The following TSHZ2 variants were observed in gnomAD, a reference collection of about 807,000 sequenced individuals.
TSHZ2 encodes teashirt zinc finger homeobox 2, also known as teashirt homolog 2.
TSHZ2 carries 21 observed loss-of-function variants against 74.4 expected under a neutral mutation model. The ratio of observed to expected loss-of-function variants is 0.28; its 90% CI spans 0.20 to 0.41. The LOEUF is 0.41. TSHZ2 is among the 10% of genes least tolerant of loss of function. The probability of loss-of-function intolerance (pLI) is 1.00; values close to 1 mark genes in which losing one functional copy is unlikely to be tolerated. For missense variants in TSHZ2, 1,244 were observed against 1,293.5 expected (o/e 0.96, Z 0.59); for synonymous variants, 540 against 515.3 (o/e 1.05, Z -0.65).
At chr20:53,080,401 G>A (rs1985495626) in intron 1 of TSHZ2, among the ~76,000 whole-genome samples, 1 of 152,200 alleles carries the variant, frequency 6.6e-6, no homozygotes. Context: ...AGGTACAAGT[G>A]TACACATTTA....
intron 1 of TSHZ2, among the ~76,000 whole-genome samples, chr20:53,002,792 C>T (rs1982487799): frequency 6.6e-6 from 1 of 152,146 alleles, no homozygotes; most frequent in Admixed American, 6.5e-5. Context: ...TCACATTCTC[C>T]AGGTACGACG....
At chr20:53,088,412 CTGTT>C (rs975155855) in intron 1 of TSHZ2, among the ~76,000 whole-genome samples, 4 of 152,082 alleles carry the variant, frequency 2.6e-5, no homozygotes, top group African/African-American at 7.2e-5. Flanking sequence ...TTTAAGGGCC[CTGTT>C]TGTTTCTGAC....
intron 1 of TSHZ2, among the ~76,000 whole-genome samples, chr20:52,996,639 T>A (rs1247337117): frequency 6.6e-6 from 1 of 152,170 alleles, no homozygotes; most frequent in Non-Finnish European, 1.5e-5. Context: ...GTGGAAAAAC[T>A]GATCTAGCAA....
chr20:53,223,267 A>AT (rs1170656572), intron 1 of TSHZ2, among the ~76,000 whole-genome samples: 3 of 152,156 alleles, frequency 2.0e-5, no homozygotes, highest in African/African-American at 4.8e-5. Context: ...TTTAACATGA[A>AT]TTTTTTTAAC....
intron 1 of TSHZ2, among the ~76,000 whole-genome samples, chr20:53,076,883 G>A (rs1196734478): frequency 6.6e-6 from 1 of 152,206 alleles, no homozygotes; most frequent in Non-Finnish European, 1.5e-5. Flanking sequence ...AGAGTGATGG[G>A]AAGTCATTAA....
At chr20:53,441,318 T>C (rs923680212) in intron 2 of TSHZ2, among the ~76,000 whole-genome samples, 2 of 151,746 alleles carry the variant, frequency 1.3e-5, no homozygotes, top group Non-Finnish European at 2.9e-5. Context: ...CAGGCTGGAG[T>C]GCAGTGGCAC....
chr20:53,001,234 G>GTGTGTGTGTGTGTA lies in TSHZ2; in HGVS notation c.40+27914_40+27915insATGTGTGTGTGTGT, dbSNP rs60036220. Among the ~76,000 whole-genome samples the GTGTGTGTGTGTGTA allele has an allele frequency of 2.2e-3, 306 of 137,704 alleles. 2 individuals are homozygous for GTGTGTGTGTGTGTA. Among genetic ancestry groups the GTGTGTGTGTGTGTA allele is most frequent in the South Asian group, 0.013 (57 of 4,514 alleles). The allele number at this position is 137,704 out of a possible 152,430, so 90.3% of individuals were successfully genotyped here. A position where few individuals can be genotyped will look rare whatever the true frequency, so the allele number is the denominator to read the frequency against. Reference sequence around the variant, plus strand: ...TGTGTGTGTGTGTGTGTGTGTGTGTGTGTGTGTGTGTGTGTGTGTGTTTGG... The same window carrying GTGTGTGTGTGTGTA: ...TGTGTGTGTGTGTGTGTGTGTGTGTGTGTGTGTGTGTGTATGTGTGTGTGTGTGTGTGTGTTTGG... On this transcript the variant is annotated intron_variant, in intron 1 of 2. Coordinates refer to ENST00000371497, the MANE Select transcript of TSHZ2 (RefSeq NM_173485.6).
intron 2 of TSHZ2, among the ~76,000 whole-genome samples, chr20:53,362,192 G>GTT (rs57935374): frequency 0.61 from 88,033 of 145,232 alleles, 27,115 homozygotes; most frequent in Non-Finnish European, 0.66. Context: ...TTGTTTTTTT[G>GTT]TTTTTTTTTT....
intron 1 of TSHZ2, among the ~76,000 whole-genome samples, chr20:53,176,933 C>T (rs1988356822): frequency 1.3e-5 from 2 of 152,196 alleles, no homozygotes; most frequent in African/African-American, 2.4e-5. Context: ...GATCCACCCG[C>T]TTCGGCCTCC....
intron 2 of TSHZ2, among the ~76,000 whole-genome samples, chr20:53,343,977 G>T (rs538214096): frequency 6.6e-6 from 1 of 152,192 alleles, no homozygotes; most frequent in South Asian, 2.1e-4. Flanking sequence ...TTTCACTCCA[G>T]AATCTCACAG....
chr20:53,106,880 TAG>T (rs767741389), intron 1 of TSHZ2, among the ~76,000 whole-genome samples: 3 of 151,736 alleles, frequency 2.0e-5, no homozygotes, highest in Non-Finnish European at 2.9e-5. Context: ...GTATTTTTAG[TAG>T]AGACGGAGTT....
intron 1 of TSHZ2, among the ~76,000 whole-genome samples, chr20:52,988,773 C>A (rs1243969010): frequency 6.6e-6 from 1 of 152,130 alleles, no homozygotes; most frequent in East Asian, 1.9e-4. Flanking sequence ...AAACCCCCAA[C>A]ACAGTCCATC....
At chr20:53,435,701 G>C (rs1984029340) in intron 2 of TSHZ2, among the ~76,000 whole-genome samples, 1 of 152,188 alleles carries the variant, frequency 6.6e-6, no homozygotes, top group African/African-American at 2.4e-5. Flanking sequence ...TTTTAGTAGA[G>C]ACGTGGATTC....
chr20:53,090,833 T>C (rs1018663446), intron 1 of TSHZ2, among the ~76,000 whole-genome samples: 1 of 152,250 alleles, frequency 6.6e-6, no homozygotes, highest in African/African-American at 2.4e-5. Flanking sequence ...CCTGTGTGGA[T>C]TCTTTCTTCA....
chr20:53,444,369 C>G (rs2145764908), intron 2 of TSHZ2, among the ~76,000 whole-genome samples: 1 of 152,312 alleles, frequency 6.6e-6, no homozygotes, highest in Non-Finnish European at 1.5e-5. Context: ...CTACCCCTTT[C>G]CCAACTGTGT....
intron 2 of TSHZ2, among the ~76,000 whole-genome samples, chr20:53,277,368 CTCTG>C (rs924047527): frequency 3.0e-4 from 45 of 152,152 alleles, no homozygotes; most frequent in Middle Eastern, 3.4e-3. Flanking sequence ...AATGTGGCTT[CTCTG>C]TCTATGAAGT....
chr20:53,494,572 A>C lies in TSHZ2; in HGVS notation c.*7437A>C, dbSNP rs1439569305. The C allele has an allele frequency of 6.6e-6, 1 of 152,082 alleles. No individual in the cohort carries two copies. Among genetic ancestry groups the C allele is most frequent in the Non-Finnish European group, 1.5e-5 (1 of 68,024 alleles). The allele number at this position is 152,082 out of a possible 1,614,324, so 9.4% of individuals were successfully genotyped here. On this transcript the variant is annotated 3_prime_UTR_variant, in exon 3 of 3. Coordinates refer to ENST00000371497, the MANE Select transcript of TSHZ2 (RefSeq NM_173485.6). ...ATTTTATCACTAGAAATAAATTCCGATGGTGGAAACGAAGAAAACCCTTAA... is the reference window on the plus strand; with the variant it reads ...ATTTTATCACTAGAAATAAATTCCGCTGGTGGAAACGAAGAAAACCCTTAA...
intron 1 of TSHZ2, among the ~76,000 whole-genome samples, chr20:53,073,254 A>G (rs7345421): frequency 0.019 from 2,524 of 135,976 alleles, 46 homozygotes; most frequent in South Asian, 0.073. Context: ...TCCTTCATCT[A>G]TCCTTCCATC....
chr20:53,447,925 TTTTTTTGAGA>T (rs1254738879), intron 2 of TSHZ2, among the ~76,000 whole-genome samples: 1 of 151,570 alleles, frequency 6.6e-6, no homozygotes, highest in Non-Finnish European at 1.5e-5. Flanking sequence ...TTTTTTTTTT[TTTTTTTGAGA>T]CGGAGTCTCA....
Sources: allele counts gnomAD v4.1 joint callset (sites outside exome capture counted in the v4.1 genomes callset), GRCh38; gene constraint gnomAD v4.1.1; transcripts MANE v1.5; gene names NCBI Gene and HGNC (gene_info 2026-07-23, HGNC 2026-07-21).